The following KIF26B variants were observed in gnomAD, a reference collection of about 807,000 sequenced individuals.
KIF26B encodes kinesin family member 26B, also known as kinesin-like protein KIF26B.
In KIF26B, 63 loss-of-function variants were observed where a neutral mutation model predicts 151.2. That is an observed-to-expected ratio of 0.42 (90% CI 0.34 to 0.51). The LOEUF (loss-of-function observed/expected upper bound fraction) is 0.51. Ranked by LOEUF, KIF26B falls within the 20% of genes least tolerant of loss-of-function variation. The probability of loss-of-function intolerance (pLI) is 0.07; values close to 1 mark genes in which losing one functional copy is unlikely to be tolerated. For synonymous variants in KIF26B, 1,357 were observed against 1,262.1 expected, an observed-to-expected ratio of 1.08 and a Z score of -1.59; for missense variants, 2,813 against 2,913.6, an observed-to-expected ratio of 0.97 and a Z score of 0.79.
chr1:245,571,893 G>A (rs918842858), intron 5 of KIF26B, among the ~76,000 whole-genome samples: 1 of 152,188 alleles, frequency 6.6e-6, no homozygotes, highest in African/African-American at 2.4e-5. Flanking sequence ...GCCTTTCAAA[G>A]AGGTATCTAC....
intron 2 of KIF26B, among the ~76,000 whole-genome samples, chr1:245,292,817 T>TC (rs1394585707): frequency 2.0e-5 from 3 of 152,144 alleles, no homozygotes; most frequent in African/African-American, 7.2e-5. Context: ...TCTCGCTGGG[T>TC]CACAGAAGCA....
At chr1:245,623,445 A>G (rs1771513) in intron 9 of KIF26B, among the ~76,000 whole-genome samples, 103,692 of 152,050 alleles carry the variant, frequency 0.68, 35,484 homozygotes, top group East Asian at 0.9. Flanking sequence ...TCTGCATAAT[A>G]GTCCACTGCC....
rs77028046 is a variant in KIF26B at position 245,352,974 on chromosome 1, C to T, written c.466-13860C>T. ...GCTCATATTATTCATACGATTATCA[C>T]GTTAGAGGTTTTGGAGTTGTAGTGG... On this transcript the variant is annotated intron_variant, in intron 2 of 14. Transcript: ENST00000407071. This position sits in a 1 kb window ranked among gnomAD's most constrained non-coding sequence, Gnocchi z 5.0. Among the ~76,000 whole-genome samples, 7,609 of 152,148 alleles carry T rather than the reference C, an allele frequency of 0.05. 561 individuals are homozygous for T. The highest frequency in any genetic ancestry group is 0.16 in the African/African-American group (6,541 of 41,472).
At chr1:245,520,516 CCA>C (rs1661068829) in intron 4 of KIF26B, among the ~76,000 whole-genome samples, 2 of 196 alleles carry the variant, frequency 0.01, no homozygotes, top group African/African-American at 0.026. Flanking sequence ...ATCTATTCAT[CCA>C]TCCATCCATC....
At chr1:245,627,756 G>GA (rs1558242875) in intron 9 of KIF26B, among the ~76,000 whole-genome samples, 1 of 151,390 alleles carries the variant, frequency 6.6e-6, no homozygotes, top group African/African-American at 2.4e-5. Flanking sequence ...AAGAAGAAAA[G>GA]GAGAAGAATC....
At chr1:245,270,039 C>T (rs1290164869) in intron 2 of KIF26B, among the ~76,000 whole-genome samples, 3 of 152,194 alleles carry the variant, frequency 2.0e-5, no homozygotes, top group Non-Finnish European at 4.4e-5. Flanking sequence ...TGCATAGCAG[C>T]AGCATTATAT....
rs1188991442 is a variant in KIF26B at position 245,166,649 on chromosome 1, T to C, written c.465+9966T>C. 2.0e-5 allele frequency among the ~76,000 whole-genome samples: 3 copies of C among 152,220 alleles called. No homozygotes were observed. In the East Asian group the frequency reaches 5.8e-4, roughly 29 times the overall value. On this transcript the variant is annotated intron_variant, in intron 2 of 14. Coordinates refer to ENST00000407071, the MANE Select transcript of KIF26B (RefSeq NM_018012.4). The surrounding 1 kb of genome is among the most constrained non-coding windows in gnomAD (Gnocchi z 4.5). ...TCCTCCAGTGACTGCGCATGCGATG[T>C]GCAGATCTGAGCCGCACCAGGAATT... is the stretch of plus-strand genomic sequence containing the variant.
chr1:245,181,832 A>T (rs1668913168), intron 2 of KIF26B, among the ~76,000 whole-genome samples: 1 of 152,132 alleles, frequency 6.6e-6, no homozygotes, highest in Non-Finnish European at 1.5e-5. Context: ...AGGGACAGTG[A>T]GATGGCAGAG....
intron 9 of KIF26B, among the ~76,000 whole-genome samples, chr1:245,639,716 A>G (rs757305578): frequency 7.9e-5 from 12 of 151,870 alleles, no homozygotes; most frequent in Non-Finnish European, 1.3e-4. Flanking sequence ...TAATTTCTTC[A>G]TTGACCCATT....
chr1:245,563,694 T>G lies in KIF26B; in HGVS notation c.1350+22744T>G, dbSNP rs933570550. On this transcript the variant is annotated intron_variant, in intron 5 of 14. Coordinates refer to ENST00000407071, the MANE Select transcript of KIF26B (RefSeq NM_018012.4). This position sits in a 1 kb window ranked among gnomAD's most constrained non-coding sequence, Gnocchi z 4.6. ...GACTGCCTGTATAATGGTGGTCCCATAAGATTATAATACTGTGTTTTTACT... is the reference window on the plus strand; with the variant it reads ...GACTGCCTGTATAATGGTGGTCCCAGAAGATTATAATACTGTGTTTTTACT... 2.0e-5 allele frequency among the ~76,000 whole-genome samples: 3 copies of G among 152,180 alleles called. No homozygotes were observed. The highest frequency in any genetic ancestry group is 7.2e-5 in the African/African-American group (3 of 41,446).
intron 5 of KIF26B, among the ~76,000 whole-genome samples, chr1:245,587,049 CTG>C (rs2043235535): frequency 6.6e-6 from 1 of 152,204 alleles, no homozygotes; most frequent in South Asian, 2.1e-4. Context: ...GGTGAGGAAA[CTG>C]AGGCTCATAG....
At chr1:245,158,675 A>C (rs747479595) in intron 2 of KIF26B, among the ~76,000 whole-genome samples, 32 of 152,192 alleles carry the variant, frequency 2.1e-4, no homozygotes, top group Non-Finnish European at 2.9e-4. Context: ...CAGTCGCCTG[A>C]GTTTTATATG....
chr1:245,643,895 T>C (rs2043918691), intron 9 of KIF26B, among the ~76,000 whole-genome samples: 2 of 152,208 alleles, frequency 1.3e-5, no homozygotes, highest in Non-Finnish European at 2.9e-5. Context: ...TGTAACGTGC[T>C]TTTTTCTCTC....
intron 2 of KIF26B, among the ~76,000 whole-genome samples, chr1:245,323,287 A>G (rs1367076473): frequency 1.3e-5 from 2 of 152,192 alleles, no homozygotes; most frequent in African/African-American, 2.4e-5. Context: ...TGATCTTTCA[A>G]CAGTCTCTCA....
intron 2 of KIF26B, among the ~76,000 whole-genome samples, chr1:245,353,382 A>G (rs1248625366): frequency 6.6e-6 from 1 of 152,208 alleles, no homozygotes; most frequent in Non-Finnish European, 1.5e-5. Context: ...CTACCATGAA[A>G]GTTCTCTGAG....
chr1:245,220,605 G>T (rs918887272), intron 2 of KIF26B, among the ~76,000 whole-genome samples: 2 of 152,184 alleles, frequency 1.3e-5, no homozygotes, highest in Admixed American at 6.5e-5. Context: ...AAAGCGTGTG[G>T]GTGGTGGGGA....
chr1:245,395,009 A>G (rs1011837065), intron 3 of KIF26B, among the ~76,000 whole-genome samples: 1 of 152,112 alleles, frequency 6.6e-6, no homozygotes, highest in African/African-American at 2.4e-5. Context: ...TTTTCTTAGT[A>G]GGTGAAATTA....
chr1:245,305,073 T>C (rs1416525434), intron 2 of KIF26B, among the ~76,000 whole-genome samples: 2 of 152,160 alleles, frequency 1.3e-5, no homozygotes, highest in African/African-American at 4.8e-5. Context: ...TATATGTTTT[T>C]AAAAATCACC....
At chr1:245,343,486 G>GGCT (rs1672378517) in intron 2 of KIF26B, among the ~76,000 whole-genome samples, 1 of 152,012 alleles carries the variant, frequency 6.6e-6, no homozygotes, top group Non-Finnish European at 1.5e-5. Context: ...GCATAACGAA[G>GGCT]GCTGCTATGA....
Sources: allele counts gnomAD v4.1 joint callset (sites outside exome capture counted in the v4.1 genomes callset), GRCh38; gene constraint gnomAD v4.1.1; non-coding constraint Gnocchi (gnomAD v3.1); transcripts MANE v1.5; gene names NCBI Gene and HGNC (gene_info 2026-07-23, HGNC 2026-07-21).